The following CFAP44 variants were observed in gnomAD, a reference collection of about 807,000 sequenced individuals.
CFAP44 encodes the protein cilia- and flagella-associated protein 44.
Under a neutral mutation model 216.2 loss-of-function variants are expected in CFAP44, and 134 were observed. The observed-to-expected ratio is 0.62, with a 90% confidence interval of 0.54 to 0.72. CFAP44 has a LOEUF of 0.72. CFAP44 is among the 30% of genes least tolerant of loss of function. CFAP44 has a pLI of 0.00. For missense variants in CFAP44, 2,035 were observed against 2,182.1 expected, an observed-to-expected ratio of 0.93 and a Z score of 1.34; for synonymous variants, 700 against 727.6, an observed-to-expected ratio of 0.96 and a Z score of 0.61.
Position 113,304,918 on chromosome 3 carries a change from G to C in CFAP44, c.4875+118C>G, listed in dbSNP as rs529895820. On this transcript the variant is annotated intron_variant, in intron 31 of 34. Coordinates refer to ENST00000393845, the MANE Select transcript of CFAP44 (RefSeq NM_001164496.2). ...AAGTGTAGGTGTCATTCTACAGGTG[G>C]AATTCTCAACAAAGAACCACGATTC... 8 of 801,560 alleles carry C rather than the reference G, an allele frequency of 1.0e-5. No homozygotes were observed. The African/African-American group carries it at 1.2e-4, about 12-fold the overall frequency. 49.7% of individuals were successfully genotyped at this position (801,560 alleles called of 1,614,324 possible). A position where few individuals can be genotyped will look rare whatever the true frequency, so the allele number is the denominator to read the frequency against.
At chr3:113,414,781 T>G (rs1394971212) in intron 6 of CFAP44, among the ~76,000 whole-genome samples, 1 of 152,210 alleles carries the variant, frequency 6.6e-6, no homozygotes, top group Non-Finnish European at 1.5e-5. Context: ...ATTGAAGATT[T>G]TTGCATCGAT....
rs954585768 is a variant in CFAP44, at chr3:113,287,058, GA to G, written c.*4498del. 73 of 680,348 alleles carry G rather than the reference GA, an allele frequency of 1.1e-4. No homozygotes were observed. The African/African-American group carries it at 1.2e-3, about 12-fold the overall frequency. 42.1% of individuals were successfully genotyped at this position (680,348 alleles called of 1,614,324 possible). On this transcript the variant is annotated 3_prime_UTR_variant, in exon 35 of 35. Transcript: ENST00000393845. ...GTCCTACCCGTTGAGGTTGGAGAGG[GA>G]AAATAAAGAAGCTGCCACCTAACAG...
chr3:113,307,786 G>A (rs981946225), intron 29 of CFAP44, among the ~76,000 whole-genome samples: 5 of 152,058 alleles, frequency 3.3e-5, no homozygotes, highest in South Asian at 2.1e-4. Flanking sequence ...TGGCTAACAC[G>A]GTGAAACCCT....
At position 113,363,505 on chromosome 3, in the gene CFAP44, C is replaced by G. The variant is rs1173616626; in HGVS notation, c.2743G>C (p.Glu915Gln). 1 of 1,610,788 alleles carries G rather than the reference C, an allele frequency of 6.2e-7. No homozygotes were observed. Among genetic ancestry groups the G allele is most frequent in the South Asian group, 1.1e-5 (1 of 89,756 alleles). ...RFGIETEPIP[E>Q]DIEDPKAYSI... ...TAGGCTTTGGGATCTTCAATGTCTT[C>G]TGGAATTGGCTCTGTTTCAATTCCA... is the stretch of plus-strand genomic sequence containing the variant. The change falls in exon 20 of 35, where the codon GAA becomes CAA. Residue 915 changes from glutamate to glutamine, a missense_variant. Physicochemically the swap from Glu to Gln is conservative, Grantham distance 29 (BLOSUM62 2). This residue lies in a region of CFAP44 where 1,883 missense variants were observed against 2,023.7 expected (regional missense o/e 0.93). Coordinates refer to ENST00000393845, the MANE Select transcript of CFAP44 (RefSeq NM_001164496.2).
chr3:113,377,487 C>A (rs909697753), intron 17 of CFAP44, among the ~76,000 whole-genome samples: 1 of 152,090 alleles, frequency 6.6e-6, no homozygotes. Context: ...CCTAACATTT[C>A]CATGCCTTGG....
chr3:113,368,648 A>G (rs572236372), intron 18 of CFAP44, among the ~76,000 whole-genome samples: 23 of 152,374 alleles, frequency 1.5e-4, no homozygotes, highest in African/African-American at 5.5e-4. Flanking sequence ...TCCAAATTGT[A>G]AAGAACATCA....
At chr3:113,343,172 C>T (rs937317011) in intron 23 of CFAP44, among the ~76,000 whole-genome samples, 1 of 151,324 alleles carries the variant, frequency 6.6e-6, no homozygotes, top group African/African-American at 2.4e-5. Flanking sequence ...AGTGATTCTC[C>T]CGCCACAGCC....
At chr3:113,313,995 A>T (rs1576543118) in intron 28 of CFAP44, among the ~76,000 whole-genome samples, 1 of 152,244 alleles carries the variant, frequency 6.6e-6, no homozygotes, top group African/African-American at 2.4e-5. Context: ...AACAATAGAC[A>T]TCATCCAATT....
intron 16 of CFAP44, among the ~76,000 whole-genome samples, chr3:113,379,859 C>T (rs1248061445): frequency 6.6e-6 from 1 of 152,100 alleles, no homozygotes; most frequent in Non-Finnish European, 1.5e-5. Context: ...ATTAGGTAGA[C>T]TGAAATAGTC....
At position 113,441,470 on chromosome 3, in the gene CFAP44, G is replaced by A. The variant is rs1935362490; in HGVS notation, c.-23C>T. On this transcript the variant is annotated 5_prime_UTR_variant, in exon 1 of 35. Coordinates refer to ENST00000393845, the MANE Select transcript of CFAP44 (RefSeq NM_001164496.2). Reference sequence around the variant, plus strand: ...AAACTCACCGAAGGTACTGACCGCCGCGGCTCCTCTCTTCACAGCGTCTGC... The same window carrying A: ...AAACTCACCGAAGGTACTGACCGCCACGGCTCCTCTCTTCACAGCGTCTGC... The A allele has an allele frequency of 5.1e-6, 5 of 984,282 alleles. No individual in the cohort carries two copies. The Admixed American group carries it at 1.8e-4, about 36-fold the overall frequency. 61.0% of individuals were successfully genotyped at this position (984,282 alleles called of 1,614,324 possible). A position where few individuals can be genotyped will look rare whatever the true frequency, so the allele number is the denominator to read the frequency against.
chr3:113,304,234 G>T, intron 31 of CFAP44, 117 bp from the exon 32 acceptor site: 1 of 1,030,872 alleles, frequency 9.7e-7, no homozygotes, highest in Non-Finnish European at 1.4e-6. Flanking sequence ...TTGCCTTTGG[G>T]CTTCTACGTC....
At chr3:113,368,153 T>G (rs1933024853) in intron 18 of CFAP44, among the ~76,000 whole-genome samples, 1 of 152,186 alleles carries the variant, frequency 6.6e-6, no homozygotes, top group Non-Finnish European at 1.5e-5. Context: ...GGAACCAAGT[T>G]AGAAAACACT....
chr3:113,430,953 G>C (rs1429977908), intron 2 of CFAP44, among the ~76,000 whole-genome samples: 1 of 152,142 alleles, frequency 6.6e-6, no homozygotes, highest in Admixed American at 6.6e-5. Context: ...GGTTTAGCTG[G>C]TACACTCGAC....
intron 3 of CFAP44, 154 bp downstream of exon 3, chr3:113,427,033 G>T: frequency 1.3e-6 from 1 of 774,910 alleles, no homozygotes; most frequent in East Asian, 2.8e-5. Context: ...GGCTGCTAAA[G>T]TACCCTACCA....
chr3:113,326,552 C>A lies in CFAP44; in HGVS notation c.4409G>T (p.Gly1470Val). The A allele has an allele frequency of 6.5e-7, 1 of 1,532,282 alleles. No homozygotes were observed. The highest frequency in any genetic ancestry group is 8.7e-7 in the Non-Finnish European group (1 of 1,144,782). The allele number at this position is 1,532,282 out of a possible 1,614,324, so 94.9% of individuals were successfully genotyped here. ...LQEQEKALYA[G>V]FQAAIGENNK... ...GTTTTCTCCAATGGCTGCTTGAAAA[C>A]CAGCATAGAGTGCCTTTTCTTGCTC... The change falls in exon 28 of 35, where the codon GGT becomes GTT. Residue 1470 changes from glycine (G) to valine (V), a missense_variant. Physicochemically the swap from Gly to Val is moderately radical, Grantham distance 109 (BLOSUM62 -3). Around this residue, in one of 3 missense-constraint regions of CFAP44, gnomAD observed 1,883 missense variants for 2,023.7 expected, o/e 0.93. Coordinates refer to ENST00000393845, the MANE Select transcript of CFAP44 (RefSeq NM_001164496.2).
intron 27 of CFAP44, 136 bp from the exon 28 acceptor site, chr3:113,326,776 A>T (rs1321646389): frequency 1.7e-5 from 8 of 478,850 alleles, no homozygotes; most frequent in Non-Finnish European, 2.8e-5. Context: ...TACATTTCTG[A>T]TGTTTGCAGA....
intron 22 of CFAP44, among the ~76,000 whole-genome samples, chr3:113,350,316 G>A (rs1950431171): frequency 6.6e-6 from 1 of 151,658 alleles, no homozygotes; most frequent in African/African-American, 2.4e-5. Context: ...GAGACAGAAA[G>A]TCAGAGAGAG....
intron 1 of CFAP44, among the ~76,000 whole-genome samples, chr3:113,435,309 A>C (rs1029716487): frequency 2.0e-5 from 3 of 152,182 alleles, no homozygotes; most frequent in Admixed American, 6.5e-5. Context: ...GGACACTTAC[A>C]ATCATAGCAG....
intron 12 of CFAP44, 131 bp downstream of exon 12, chr3:113,400,414 C>T (rs1934109154): frequency 2.9e-6 from 2 of 696,918 alleles, no homozygotes; most frequent in Non-Finnish European, 4.4e-6. Context: ...CACAGCTCAA[C>T]TCGCTTGCAT....
Sources: gnomAD v4.1 joint callset for allele counts (sites outside exome capture counted in the v4.1 genomes callset) on GRCh38, gnomAD v4.1.1 for gene constraint, gnomAD v4.1.1 regional missense constraint, MANE v1.5 for transcripts, NCBI Gene and HGNC (gene_info 2026-07-23, HGNC 2026-07-21) for gene names.